The following ZDBF2 variants were observed in gnomAD, a reference collection of about 807,000 sequenced individuals.
ZDBF2 encodes DBF4-type zinc finger-containing protein 2.
In ZDBF2, 6 loss-of-function variants were observed where a neutral mutation model predicts 9.4. The observed-to-expected ratio is 0.64, with a 90% CI of 0.35 to 1.27. The LOEUF (loss-of-function observed/expected upper bound fraction) is 1.27, where lower values mean the gene tolerates loss of function less well. Ranked by LOEUF, ZDBF2 falls within the 50% of genes most tolerant of loss-of-function variation. The pLI is 0.03. For synonymous variants in ZDBF2, 905 were observed against 946.3 expected (o/e 0.96, Z 0.80); for missense variants, 2,697 against 2,766.8 (o/e 0.97, Z 0.57).
At position 206,307,696 on chromosome 2, in the gene ZDBF2, T is replaced by C. The variant is rs1692888971; in HGVS notation, c.3168T>C (p.Pro1056=). ...CACCTCAGTCAATGACTGACCAACC[T>C]CAACTAGCTTTTTTGAAGGAAAAAC... is the stretch of plus-strand genomic sequence containing the variant. ...NVPPQSMTDQ[P]QLAFLKEKHV... is the part of the protein sequence containing the mutation. The change falls in exon 5 of 5, where the codon CCT becomes CCC. Residue 1056 remains proline, a synonymous_variant. Transcript: ENST00000374423. The C allele has an allele frequency of 6.2e-7, 1 of 1,613,484 alleles. No individual in the cohort carries two copies. Among genetic ancestry groups the C allele is most frequent in the Non-Finnish European group, 8.5e-7 (1 of 1,179,718 alleles).
At chr2:206,293,008 A>C (rs1691977883) in intron 3 of ZDBF2, among the ~76,000 whole-genome samples, 1 of 152,196 alleles carries the variant, frequency 6.6e-6, no homozygotes, top group African/African-American at 2.4e-5. Context: ...GCTCAGAAGA[A>C]CTAGGATAAT....
intron 3 of ZDBF2, among the ~76,000 whole-genome samples, chr2:206,286,216 A>G (rs1330009683): frequency 6.6e-6 from 1 of 152,158 alleles, no homozygotes; most frequent in Non-Finnish European, 1.5e-5. Context: ...TGGTAGGCCT[A>G]TTTGGTCTAA....
chr2:206,310,810 T>C lies in ZDBF2; in HGVS notation c.6282T>C (p.Asp2094=). 6.2e-7 allele frequency: 1 copy of C among 1,613,980 alleles called. No homozygotes were observed. Among genetic ancestry groups the C allele is most frequent in the Non-Finnish European group, 8.5e-7 (1 of 1,179,890 alleles). Residue 2094 remains aspartate (D), a synonymous_variant, in exon 5 of 5, where the codon GAT becomes GAC. Coordinates refer to ENST00000374423, the MANE Select transcript of ZDBF2 (RefSeq NM_020923.3). ...GCAACCAAAACTCCAGTGCAGGAGA[T>C]AATGATGCTGATGGACAAGGCTCTG... The part of the protein sequence containing the change: ...NRSNQNSSAG[D]NDADGQGSAS...
intron 4 of ZDBF2, among the ~76,000 whole-genome samples, chr2:206,298,907 G>A (rs1692346207): frequency 6.6e-6 from 1 of 151,274 alleles, no homozygotes; most frequent in Admixed American, 6.6e-5. Flanking sequence ...TTGAGACAGA[G>A]TCTCGGTCTG....
chr2:206,308,227 T>C lies in ZDBF2; in HGVS notation c.3699T>C (p.Asp1233=), dbSNP rs771175431. 6.8e-6 allele frequency: 11 copies of C among 1,613,700 alleles called. No homozygotes were observed. In the Admixed American group the frequency reaches 1.3e-4, roughly 20 times the overall value. Reference sequence around the variant, plus strand: ...AGGATGAAGAAGTTGACACGGAAGATAGGAGAAATGAAGCTAAGGGTTTTG... The same window carrying C: ...AGGATGAAGAAGTTGACACGGAAGACAGGAGAAATGAAGCTAAGGGTTTTG... ...LWKDEEVDTE[D]RRNEAKGFEI... is the part of the protein sequence containing the mutation. Residue 1233 remains aspartate (D), a synonymous_variant, in exon 5 of 5, where the codon GAT becomes GAC. Transcript: ENST00000374423.
At chr2:206,282,277 A>G (rs1229316982) in intron 3 of ZDBF2, among the ~76,000 whole-genome samples, 1 of 152,168 alleles carries the variant, frequency 6.6e-6, no homozygotes, top group Non-Finnish European at 1.5e-5. Flanking sequence ...GTTTGCATTT[A>G]TCTGGGGAAA....
In ZDBF2 at chr2:206,284,340, G is replaced by A. The variant is rs1030710334; in HGVS notation, c.60+2431G>A. Among the ~76,000 whole-genome samples the A allele has an allele frequency of 3.9e-5, 6 of 151,922 alleles. No homozygotes were observed. In the East Asian group the frequency reaches 1.2e-3, roughly 29 times the overall value. ...ATTTTTATAATTATACATATGTATG[G>A]GGTACAGTGTGATATTTTGATACAT... is the stretch of plus-strand genomic sequence containing the variant. On this transcript the variant is annotated intron_variant, in intron 3 of 4. Transcript: ENST00000374423.
intron 4 of ZDBF2, among the ~76,000 whole-genome samples, chr2:206,302,651 T>G (rs1413705717): frequency 6.6e-6 from 1 of 152,202 alleles, no homozygotes; most frequent in East Asian, 1.9e-4. Context: ...GTGAAGTGAT[T>G]GTTGCACTGC....
intron 4 of ZDBF2, among the ~76,000 whole-genome samples, chr2:206,300,685 C>T (rs1250981029): frequency 2.6e-5 from 4 of 152,238 alleles, no homozygotes; most frequent in Admixed American, 2.6e-4. Context: ...AACTTTGAGA[C>T]TATGTAAATA....
chr2:206,305,844 A>G lies in ZDBF2; in HGVS notation c.1316A>G (p.Gln439Arg), dbSNP rs182803009. Residue 439 changes from glutamine (Q) to arginine (R), a missense_variant, in exon 5 of 5, where the codon CAG (glutamine) becomes CGG (arginine). Physicochemically the swap from Gln to Arg is conservative, Grantham distance 43. Coordinates refer to ENST00000374423, the MANE Select transcript of ZDBF2 (RefSeq NM_020923.3). The part of the protein sequence containing the change: ...NLSKEVRTDV[Q>R]YKNNKSYVSK... ...TCCAAGGAAGTACGTACTGATGTAC[A>G]GTATAAGAATAATAAATCTTATGTT... The G allele has an allele frequency of 3.7e-6, 6 of 1,613,104 alleles. No homozygotes were observed. The highest frequency in any genetic ancestry group is 4.5e-5 in the East Asian group (2 of 44,866).
chr2:206,283,975 TC>T (rs1691468268), intron 3 of ZDBF2, among the ~76,000 whole-genome samples: 1 of 152,244 alleles, frequency 6.6e-6, no homozygotes, highest in Non-Finnish European at 1.5e-5. Flanking sequence ...CTTTTTACTT[TC>T]ATGATGCTAT....
Position 206,311,429 on chromosome 2 carries a change from G to A in ZDBF2, c.6901G>A (p.Val2301Ile), listed in dbSNP as rs191730702. 7.6e-5 allele frequency: 122 copies of A among 1,611,120 alleles called. 1 individual carries two copies. The Middle Eastern group carries it at 9.9e-4, about 13-fold the overall frequency. ...GCGACCTGTGCGGGCTTCTTGCCGCGTTGCAAGAAGGAGGAAGAAGACTGA... is the reference window on the plus strand; with the variant it reads ...GCGACCTGTGCGGGCTTCTTGCCGCATTGCAAGAAGGAGGAAGAAGACTGA... Reference protein sequence around the residue: ...PKRPVRASCRVARRRKKTDES... With the variant: ...PKRPVRASCRIARRRKKTDES... Residue 2301 changes from valine to isoleucine, a missense_variant, in exon 5 of 5, where the codon GTT becomes ATT. Around this residue, in one of 3 missense-constraint regions of ZDBF2, gnomAD observed 1,783 missense variants for 1,776.5 expected, o/e 1.00. Transcript: ENST00000374423.
chr2:206,289,118 C>T (rs1261730993), intron 3 of ZDBF2, among the ~76,000 whole-genome samples: 2 of 152,078 alleles, frequency 1.3e-5, no homozygotes, highest in Non-Finnish European at 2.9e-5. Flanking sequence ...GCTCTGTTTC[C>T]CTGGGACATG....
At position 206,310,724 on chromosome 2, in the gene ZDBF2, C is replaced by T. The variant is rs780687918; in HGVS notation, c.6196C>T (p.Leu2066=). 1.2e-6 allele frequency: 2 copies of T among 1,613,638 alleles called. No individual in the cohort carries two copies. Among genetic ancestry groups the T allele is most frequent in the Admixed American group, 3.3e-5 (2 of 60,006 alleles). The change falls in exon 5 of 5, where the codon CTG becomes TTG. Residue 2066 remains leucine, a synonymous_variant. Coordinates refer to ENST00000374423, the MANE Select transcript of ZDBF2 (RefSeq NM_020923.3). ...TAAGCAAATTGTAATTAGTCCTCCC[C>T]TGAGTGTAATAGTACCAGAGTTTGA... ...LIKQIVISPP[L]SVIVPEFERR...
At position 206,306,707 on chromosome 2, in the gene ZDBF2, G is replaced by A; in HGVS notation, c.2179G>A (p.Asp727Asn). ...SAHDEPQEAL[D>N]EVNLKELNID... ...TCATGATGAGCCTCAAGAAGCTTTG[G>A]ATGAAGTAAATCTTAAAGAGTTAAA... The change falls in exon 5 of 5, where the codon GAT (aspartate) becomes AAT (asparagine). Residue 727 changes from aspartate (D) to asparagine (N), a missense_variant. By Grantham distance (23) the Asp-to-Asn change is conservative. Around this residue, in one of 3 missense-constraint regions of ZDBF2, gnomAD observed 910 missense variants for 973.6 expected, o/e 0.93. Transcript: ENST00000374423. 1.2e-6 allele frequency: 2 copies of A among 1,613,764 alleles called. No individual in the cohort carries two copies. The highest frequency in any genetic ancestry group is 1.7e-6 in the Non-Finnish European group (2 of 1,179,780).
intron 3 of ZDBF2, among the ~76,000 whole-genome samples, chr2:206,289,783 C>T (rs1482458210): frequency 6.6e-6 from 1 of 152,148 alleles, no homozygotes; most frequent in Non-Finnish European, 1.5e-5. Context: ...GGGGTGAGGT[C>T]TGTAGGTGTC....
rs926077398 is a variant in ZDBF2 at position 206,313,518 on chromosome 2, T to C, written c.*1925T>C. The C allele has an allele frequency of 1.5e-4, 23 of 152,186 alleles. No individual in the cohort carries two copies. The highest frequency in any genetic ancestry group is 5.1e-4 in the African/African-American group (21 of 41,454). The allele number at this position is 152,186 out of a possible 1,614,324, so 9.4% of individuals were successfully genotyped here. On this transcript the variant is annotated 3_prime_UTR_variant, in exon 5 of 5. Coordinates refer to ENST00000374423, the MANE Select transcript of ZDBF2 (RefSeq NM_020923.3). ...AAACAAACAGCTGATATATAAGATATTTGTGGGTATTGGTGTCTTTTTTCC... is the reference window on the plus strand; with the variant it reads ...AAACAAACAGCTGATATATAAGATACTTGTGGGTATTGGTGTCTTTTTTCC...
At position 206,289,734 on chromosome 2, in the gene ZDBF2, C is replaced by T. The variant is rs568597081; in HGVS notation, c.61-7512C>T. ...GGAACACAGTGGTGTTGACCCCAGA[C>T]GGCTCCCTCAGCTGGTCTTTGTCCC... On this transcript the variant is annotated intron_variant, in intron 3 of 4. Transcript: ENST00000374423. 5.9e-5 allele frequency among the ~76,000 whole-genome samples: 9 copies of T among 152,314 alleles called. No individual in the cohort carries two copies. The South Asian group carries it at 6.2e-4, about 11-fold the overall frequency.
chr2:206,278,297 G>C (rs986994781), intron 1 of ZDBF2, among the ~76,000 whole-genome samples: 1 of 152,106 alleles, frequency 6.6e-6, no homozygotes, highest in Non-Finnish European at 1.5e-5. Context: ...ACATGACTAT[G>C]CTTTAAGGGA....
Sources: gnomAD v4.1 joint callset for allele counts (sites outside exome capture counted in the v4.1 genomes callset) on GRCh38, gnomAD v4.1.1 for gene constraint, gnomAD v4.1.1 regional missense constraint, MANE v1.5 for transcripts, NCBI Gene and HGNC (gene_info 2026-07-23, HGNC 2026-07-21) for gene names.